The following GRM8 variants were observed in gnomAD, a reference collection of about 807,000 sequenced individuals.
GRM8 encodes glutamate metabotropic receptor 8.
A neutral mutation model predicts 87.2 loss-of-function variants in GRM8; 47 were observed. That is an observed-to-expected ratio of 0.54 (90% CI 0.43 to 0.69). GRM8 has a LOEUF of 0.69. Among genes scored for constraint, GRM8 ranks in the 30% least tolerant of loss-of-function variants. GRM8 has a pLI of 0.00. For synonymous variants in GRM8, 396 were observed against 404.5 expected, an observed-to-expected ratio of 0.98 and a Z score of 0.25; for missense variants, 1,019 against 1,139.2, an observed-to-expected ratio of 0.89 and a Z score of 1.52.
chr7:126,908,101 T>G (rs369684017), intron 3 of GRM8, among the ~76,000 whole-genome samples: 2 of 152,274 alleles, frequency 1.3e-5, no homozygotes, highest in South Asian at 4.2e-4. Context: ...GCATGGAATG[T>G]CAAACTGAAA....
chr7:126,797,102 G>T (rs770922409), intron 6 of GRM8, among the ~76,000 whole-genome samples: 7 of 152,064 alleles, frequency 4.6e-5, no homozygotes, highest in African/African-American at 7.2e-5. Flanking sequence ...CTAGACTACA[G>T]AAATGGTCAT....
rs11563306 is a variant in GRM8 at position 127,012,690 on chromosome 7, C to T, written c.727+93806G>A. 9.9e-5 allele frequency among the ~76,000 whole-genome samples: 15 copies of T among 152,076 alleles called. No homozygotes were observed. In the East Asian group the frequency reaches 2.9e-3, roughly 30 times the overall value. ...CATCATATAGAATCACTGGAGTTTC[C>T]TGGTAATTGGAAATAAATACTTCAA... is the stretch of plus-strand genomic sequence containing the variant. On this transcript the variant is annotated intron_variant, in intron 3 of 10. Transcript: ENST00000339582.
intron 6 of GRM8, among the ~76,000 whole-genome samples, chr7:126,809,421 CT>C (rs1793082250): frequency 6.6e-6 from 1 of 152,100 alleles, no homozygotes; most frequent in East Asian, 1.9e-4. Context: ...AGAGGGAAAT[CT>C]ATTAAACTTC....
chr7:126,712,012 T>C (rs1244694444), intron 7 of GRM8, among the ~76,000 whole-genome samples: 1 of 152,210 alleles, frequency 6.6e-6, no homozygotes, highest in Non-Finnish European at 1.5e-5. Flanking sequence ...GAGTAGCACT[T>C]TTAATTTTCT....
At chr7:127,080,397 A>G (rs572331379) in intron 3 of GRM8, among the ~76,000 whole-genome samples, 3 of 152,336 alleles carry the variant, frequency 2.0e-5, no homozygotes, top group Admixed American at 2.0e-4. Flanking sequence ...TAATAAATCT[A>G]TCTTGTTTAA....
At chr7:127,030,864 C>T (rs1305023335) in intron 3 of GRM8, among the ~76,000 whole-genome samples, 1 of 152,094 alleles carries the variant, frequency 6.6e-6, no homozygotes, top group Non-Finnish European at 1.5e-5. Context: ...CCCGACTCCT[C>T]TTTTTCACCA....
chr7:126,889,159 G>C (rs1223040254), intron 6 of GRM8, among the ~76,000 whole-genome samples: 2 of 152,110 alleles, frequency 1.3e-5, no homozygotes, highest in East Asian at 3.9e-4. Flanking sequence ...AAAGAAACCA[G>C]AGCAATTTGA....
chr7:126,904,197 C>T (rs1205928214), intron 4 of GRM8, 71 bp from the exon 5 acceptor site: 2 of 1,298,554 alleles, frequency 1.5e-6, no homozygotes, highest in African/African-American at 2.9e-5. Flanking sequence ...ATTACAAGAC[C>T]AGATTTAGGA....
chr7:126,558,281 T>C (rs1045913890), intron 8 of GRM8, among the ~76,000 whole-genome samples: 1 of 152,206 alleles, frequency 6.6e-6, no homozygotes, highest in Non-Finnish European at 1.5e-5. Flanking sequence ...TGTATTTCTT[T>C]ATTAATCTTA....
chr7:126,483,127 A>AAT (rs896210456), intron 9 of GRM8, among the ~76,000 whole-genome samples: 2 of 147,804 alleles, frequency 1.4e-5, no homozygotes, highest in Non-Finnish European at 3.0e-5. Flanking sequence ...AAATATATAT[A>AAT]ATATATATAA....
chr7:126,701,285 C>T (rs746523373), intron 7 of GRM8, among the ~76,000 whole-genome samples: 2 of 152,118 alleles, frequency 1.3e-5, no homozygotes, highest in East Asian at 1.9e-4. Context: ...ACATCCTGCA[C>T]GCTGGAGCAC....
At chr7:126,572,874 G>A (rs1794799443) in intron 8 of GRM8, among the ~76,000 whole-genome samples, 1 of 152,086 alleles carries the variant, frequency 6.6e-6, no homozygotes, top group Non-Finnish European at 1.5e-5. Context: ...CATCCTAAGG[G>A]GGTTGAATGA....
At position 126,500,390 on chromosome 7, in the gene GRM8, G is replaced by A. The variant is rs1242411456; in HGVS notation, c.2430+32562C>T. ...GGAGATGGAAGACAGGAGGAGAGAA[G>A]GGATTTTTCCCTTCCAGAGTCCCAG... On this transcript the variant is annotated intron_variant, in intron 9 of 10. Coordinates refer to ENST00000339582, the MANE Select transcript of GRM8 (RefSeq NM_000845.3). Among the ~76,000 whole-genome samples, 3 of 152,044 alleles carry A rather than the reference G, an allele frequency of 2.0e-5. 1 individual carries two copies. In the East Asian group the frequency reaches 5.9e-4, roughly 30 times the overall value.
chr7:126,690,583 T>G (rs1808696247), intron 7 of GRM8, among the ~76,000 whole-genome samples: 1 of 152,140 alleles, frequency 6.6e-6, no homozygotes, highest in Non-Finnish European at 1.5e-5. Context: ...CTTCTCTGCT[T>G]CTAGTAGACC....
chr7:126,814,867 A>G (rs919938679), intron 6 of GRM8, among the ~76,000 whole-genome samples: 2 of 152,034 alleles, frequency 1.3e-5, no homozygotes, highest in African/African-American at 2.4e-5. Context: ...TCCTAGTCTC[A>G]TCAAATGATA....
At chr7:127,041,899 G>A (rs17865859) in intron 3 of GRM8, among the ~76,000 whole-genome samples, 1,534 of 152,252 alleles carry the variant, frequency 0.01, 29 homozygotes, top group African/African-American at 0.034. Context: ...TCATCCAGTC[G>A]AGTCGAGGGA....
intron 2 of GRM8, among the ~76,000 whole-genome samples, chr7:127,157,844 G>A (rs891287847): frequency 7.2e-5 from 11 of 152,064 alleles, no homozygotes; most frequent in Non-Finnish European, 1.5e-4. Context: ...CACACATTAT[G>A]TAAAACAATT....
At chr7:127,121,162 T>C (rs1040368624) in intron 2 of GRM8, among the ~76,000 whole-genome samples, 1 of 152,236 alleles carries the variant, frequency 6.6e-6, no homozygotes, top group Non-Finnish European at 1.5e-5. Flanking sequence ...GTTACTGCTT[T>C]AGGAGACGGA....
chr7:127,119,820 T>C (rs942581306), intron 2 of GRM8, among the ~76,000 whole-genome samples: 4 of 152,206 alleles, frequency 2.6e-5, no homozygotes, highest in Non-Finnish European at 4.4e-5. Flanking sequence ...AATTTTCCTC[T>C]TAAATCTCTA....
Sources: gnomAD v4.1 joint callset for allele counts (sites outside exome capture counted in the v4.1 genomes callset) on GRCh38, gnomAD v4.1.1 for gene constraint, MANE v1.5 for transcripts, NCBI Gene and HGNC (gene_info 2026-07-23, HGNC 2026-07-21) for gene names.